ARHGEF10: variants seen among roughly 807,000 people sequenced by gnomAD.
The protein encoded by ARHGEF10 is Rho guanine nucleotide exchange factor (GEF) 10.
In ARHGEF10, 140 loss-of-function variants were observed where a neutral mutation model predicts 147.4. That is an observed-to-expected ratio of 0.95 (90% CI 0.83 to 1.09). The LOEUF (loss-of-function observed/expected upper bound fraction) is 1.09, where lower values mean the gene tolerates loss of function less well. Ranked by LOEUF, ARHGEF10 falls within the 50% of genes least tolerant of loss-of-function variation. ARHGEF10 has a pLI of 0.00. For synonymous variants in ARHGEF10, 902 were observed against 695.8 expected (o/e 1.30, Z -4.67); for missense variants, 2,222 against 1,752.7 (o/e 1.27, Z -4.78).
At chr8:1,921,381 G>A (rs1420331566) in intron 18 of ARHGEF10, among the ~76,000 whole-genome samples, 2 of 152,222 alleles carry the variant, frequency 1.3e-5, no homozygotes, top group South Asian at 2.1e-4. Context: ...ATAATTTGTG[G>A]GACGTAGCAT....
chr8:1,861,192 C>T (rs1026756094), intron 4 of ARHGEF10, among the ~76,000 whole-genome samples: 1 of 152,246 alleles, frequency 6.6e-6, no homozygotes, highest in Admixed American at 6.5e-5. Flanking sequence ...GCCATGTGCT[C>T]TAGAAGGGGC....
At chr8:1,898,944 G>T (rs984933552) in intron 15 of ARHGEF10, among the ~76,000 whole-genome samples, 4 of 152,226 alleles carry the variant, frequency 2.6e-5, no homozygotes, top group East Asian at 1.9e-4. Context: ...GTGCCCAGAG[G>T]GGATGGACAA....
chr8:1,869,067 A>G, intron 6 of ARHGEF10, 127 bp from the exon 7 acceptor site: 2 of 851,686 alleles, frequency 2.3e-6, no homozygotes, highest in Non-Finnish European at 2.0e-6. Context: ...AAATAAAAAA[A>G]AAACTACCCT....
intron 26 of ARHGEF10, among the ~76,000 whole-genome samples, chr8:1,944,644 CACTTT>C (rs1814412258): frequency 6.6e-6 from 1 of 152,238 alleles, no homozygotes; most frequent in African/African-American, 2.4e-5. Context: ...TGAGTTTCAT[CACTTT>C]ACTTTAGATA....
At chr8:1,917,006 G>A (rs951558753) in intron 18 of ARHGEF10, among the ~76,000 whole-genome samples, 5 of 152,098 alleles carry the variant, frequency 3.3e-5, no homozygotes, top group Non-Finnish European at 7.3e-5. Context: ...ATTCTGAATC[G>A]AAGTCATTTA....
chr8:1,826,935 G>C (rs1386674238), intron 1 of ARHGEF10, among the ~76,000 whole-genome samples: 2 of 152,254 alleles, frequency 1.3e-5, no homozygotes, highest in Non-Finnish European at 2.9e-5. Context: ...CCCTTAACCA[G>C]GCTTTCTGGG....
intron 28 of ARHGEF10, among the ~76,000 whole-genome samples, chr8:1,955,956 G>T (rs563289036): frequency 1.3e-5 from 2 of 152,338 alleles, no homozygotes; most frequent in South Asian, 4.1e-4. Context: ...TTGGGAAATG[G>T]ACTCTCACCA....
intron 15 of ARHGEF10, among the ~76,000 whole-genome samples, chr8:1,899,087 T>A (rs1810251704): frequency 6.6e-6 from 1 of 152,198 alleles, no homozygotes; most frequent in African/African-American, 2.4e-5. Context: ...AACTAAGGAT[T>A]CTCAATTGGA....
At chr8:1,908,263 C>G (rs1239529822) in intron 17 of ARHGEF10, among the ~76,000 whole-genome samples, 1 of 132,558 alleles carries the variant, frequency 7.5e-6, no homozygotes, top group Non-Finnish European at 1.6e-5. Flanking sequence ...AAGAGTCTCG[C>G]TCTGTCACCC....
At position 1,945,276 on chromosome 8, in the gene ARHGEF10, C is replaced by T. The variant is rs578229652; in HGVS notation, c.3223-205C>T. Among the ~76,000 whole-genome samples, 37 of 152,334 alleles carry T rather than the reference C, an allele frequency of 2.4e-4. No homozygotes were observed. In the South Asian group the frequency reaches 4.2e-3, roughly 17 times the overall value. On this transcript the variant is annotated intron_variant, in intron 26 of 28. Transcript: ENST00000349830. ...GTCTTTGGAATGGCCATTTTCTGGG[C>T]TCACAAAGGAGCCAGGATGATTGGA...
chr8:1,911,178 T>C (rs1229076059), intron 18 of ARHGEF10, among the ~76,000 whole-genome samples: 1 of 152,204 alleles, frequency 6.6e-6, no homozygotes, highest in Admixed American at 6.5e-5. Context: ...GGAGAGTAAA[T>C]GTTTTTCTTT....
In ARHGEF10 at chr8:1,824,129, G is replaced by GCGGACCGTGGGTCCCCT. The variant is rs1802590003; in HGVS notation, c.-48+19_-48+35dup. On this transcript the variant is annotated intron_variant, in intron 1 of 28. Coordinates refer to ENST00000349830, the MANE Select transcript of ARHGEF10 (RefSeq NM_014629.4). Reference sequence around the variant, plus strand: ...GGCCGCCGAGGTGAGTGCGGGCCCCGCGGACCGTGGGTCCCCTCGCGGGCT... The same window carrying GCGGACCGTGGGTCCCCT: ...GGCCGCCGAGGTGAGTGCGGGCCCCGCGGACCGTGGGTCCCCTCGGACCGTGGGTCCCCTCGCGGGCT... The GCGGACCGTGGGTCCCCT allele has an allele frequency of 6.6e-6, 1 of 152,128 alleles. No individual in the cohort carries two copies. The highest frequency in any genetic ancestry group is 1.5e-5 in the Non-Finnish European group (1 of 68,074). 9.4% of individuals were successfully genotyped at this position (152,128 alleles called of 1,614,324 possible). A position where few individuals can be genotyped will look rare whatever the true frequency, so the allele number is the denominator to read the frequency against.
rs1815728443 is a variant in ARHGEF10, at chr8:1,958,202, C to T, written c.*939C>T. On this transcript the variant is annotated 3_prime_UTR_variant, in exon 29 of 29. Transcript: ENST00000349830. ...GCTCCGAATGACTCCTGGTGCTAGGCCATGCTGGCTGCTGTCACTGAGCGG... is the reference window on the plus strand; with the variant it reads ...GCTCCGAATGACTCCTGGTGCTAGGTCATGCTGGCTGCTGTCACTGAGCGG... 1 of 152,288 alleles carries T rather than the reference C, an allele frequency of 6.6e-6. No homozygotes were observed. Among genetic ancestry groups the T allele is most frequent in the Admixed American group, 6.5e-5 (1 of 15,288 alleles). 9.4% of individuals were successfully genotyped at this position (152,288 alleles called of 1,614,324 possible). A position where few individuals can be genotyped will look rare whatever the true frequency, so the allele number is the denominator to read the frequency against.
At chr8:1,830,673 G>C (rs1355476492) in intron 1 of ARHGEF10, among the ~76,000 whole-genome samples, 3 of 152,208 alleles carry the variant, frequency 2.0e-5, no homozygotes, top group Non-Finnish European at 4.4e-5. Context: ...CTTGCCCTGG[G>C]GGGCTGGCAC....
At chr8:1,953,423 G>A (rs548796803) in intron 28 of ARHGEF10, among the ~76,000 whole-genome samples, 5 of 152,286 alleles carry the variant, frequency 3.3e-5, no homozygotes, top group South Asian at 4.1e-4. Context: ...CCGGGGATCC[G>A]AAAAGGCTCC....
rs760291404 is a variant in ARHGEF10 at position 1,909,295 on chromosome 8, C to T, written c.1968C>T (p.Arg656=). The T allele has an allele frequency of 6.2e-7, 1 of 1,614,210 alleles. No individual in the cohort carries two copies. Among genetic ancestry groups the T allele is most frequent in the South Asian group, 1.1e-5 (1 of 91,078 alleles). The change falls in exon 18 of 29, where the codon CGC becomes CGT. Residue 656 remains arginine (R), a splice_region_variant and synonymous_variant. Transcript: ENST00000349830. ...DVLMCATVSS[R]PSHDSRVMSS... ...AACAAGGATCTTTTGGTCGTTTCAG[C>T]CCCTCTCATGACAGCCGTGTGATGA...
At chr8:1,854,236 G>A (rs922930934) in intron 2 of ARHGEF10, among the ~76,000 whole-genome samples, 3 of 152,124 alleles carry the variant, frequency 2.0e-5, no homozygotes, top group Non-Finnish European at 2.9e-5. Context: ...CACCTCAGAG[G>A]GCGGCGCAGC....
intron 2 of ARHGEF10, 81 bp from the exon 3 acceptor site, chr8:1,857,879 G>GATCGATCTATCTATCT: frequency 3.4e-6 from 2 of 593,608 alleles, no homozygotes; most frequent in Non-Finnish European, 5.7e-6. Context: ...TAGATCGATC[G>GATCGATCTATCTATCT]ATCTATCTAT....
chr8:1,911,332 C>T (rs1330961708), intron 18 of ARHGEF10, among the ~76,000 whole-genome samples: 1 of 152,056 alleles, frequency 6.6e-6, no homozygotes, highest in Non-Finnish European at 1.5e-5. Flanking sequence ...CCTAGTTAAC[C>T]TCAGTGAAAC....
Sources: allele counts gnomAD v4.1 joint callset (sites outside exome capture counted in the v4.1 genomes callset), GRCh38; gene constraint gnomAD v4.1.1; transcripts MANE v1.5; gene names NCBI Gene and HGNC (gene_info 2026-07-23, HGNC 2026-07-21).